PCDHAC1: variants seen among roughly 807,000 people sequenced by gnomAD.
PCDHAC1 encodes the protein protocadherin alpha-C1.
PCDHAC1 carries 42 observed loss-of-function variants against 60.0 expected under a neutral mutation model. The ratio of observed to expected loss-of-function variants is 0.70; its 90% confidence interval spans 0.55 to 0.90. The LOEUF (loss-of-function observed/expected upper bound fraction) is 0.90. PCDHAC1 is among the 40% of genes least tolerant of loss of function. The pLI is 0.00. For synonymous variants in PCDHAC1, 468 were observed against 499.3 expected, an observed-to-expected ratio of 0.94 and a Z score of 0.84; for missense variants, 1,160 against 1,222.3, an observed-to-expected ratio of 0.95 and a Z score of 0.76.
chr5:140,990,783 G>A (rs932115900), intron 3 of PCDHAC1, among the ~76,000 whole-genome samples: 5 of 152,170 alleles, frequency 3.3e-5, no homozygotes, highest in African/African-American at 7.2e-5. Flanking sequence ...TGTGTTGGAC[G>A]ATGAACCATG....
chr5:140,927,317 G>A lies in PCDHAC1; in HGVS notation c.425G>A (p.Arg142His), dbSNP rs782172424. ...CCCGAGTTCCTGACGCCCGGAGCCCGCTTTACTCTCCCGAATGCCCAAGAT... is the reference window on the plus strand; with the variant it reads ...CCCGAGTTCCTGACGCCCGGAGCCCACTTTACTCTCCCGAATGCCCAAGAT... ...HIPEFLTPGA[R>H]FTLPNAQDDD... is the part of the protein sequence containing the mutation. The change falls in exon 1 of 4, where the codon CGC becomes CAC. Residue 142 changes from arginine to histidine, a missense_variant. Around this residue, in one of 3 missense-constraint regions of PCDHAC1, gnomAD observed 1,113 missense variants for 1,163.7 expected, o/e 0.96. Coordinates refer to ENST00000253807, the MANE Select transcript of PCDHAC1 (RefSeq NM_018898.5). 3.2e-5 allele frequency: 52 copies of A among 1,614,146 alleles called. 1 individual carries two copies. The South Asian group carries it at 5.2e-4, about 16-fold the overall frequency.
intron 3 of PCDHAC1, among the ~76,000 whole-genome samples, chr5:140,990,304 A>T (rs114506238): frequency 3.9e-5 from 6 of 152,286 alleles, no homozygotes; most frequent in Non-Finnish European, 8.8e-5. Context: ...CATTGTCTGT[A>T]AAAAACCAAC....
Position 140,927,248 on chromosome 5 carries a change from A to G in PCDHAC1, c.356A>G (p.Asp119Gly). ...CGGATTCACGTCCTGGACACCAATG[A>G]CAACTCACCTCTCTTTCCTGCCGGC... is the stretch of plus-strand genomic sequence containing the variant. ...KIRIHVLDTN[D>G]NSPLFPAGDV... is the part of the protein sequence containing the mutation. Residue 119 changes from aspartate to glycine, a missense_variant, in exon 1 of 4, where the codon GAC (aspartate) becomes GGC (glycine). Physicochemically the swap from Asp to Gly is moderately conservative, Grantham distance 94 (BLOSUM62 -1). Coordinates refer to ENST00000253807, the MANE Select transcript of PCDHAC1 (RefSeq NM_018898.5). The G allele has an allele frequency of 6.2e-7, 1 of 1,614,064 alleles. No individual in the cohort carries two copies.
chr5:140,944,206 T>C (rs1291391135), intron 1 of PCDHAC1, among the ~76,000 whole-genome samples: 1 of 152,156 alleles, frequency 6.6e-6, no homozygotes, highest in Non-Finnish European at 1.5e-5. Context: ...GTTTTGTTTT[T>C]AAAGAGGGTT....
rs574140858 is a variant in PCDHAC1 at position 140,929,782 on chromosome 5, A to C, written c.2433+457A>C. On this transcript the variant is annotated intron_variant, in intron 1 of 3. Coordinates refer to ENST00000253807, the MANE Select transcript of PCDHAC1 (RefSeq NM_018898.5). The stretch of plus-strand genomic sequence containing the variant: ...GACGATAACCACAAAAGATGTAAAA[A>C]TAAATTACAATGGGGGTTAAAAGAA... The C allele has an allele frequency of 1.8e-5, 3 of 168,346 alleles. No individual in the cohort carries two copies. The Admixed American group carries it at 1.9e-4, about 11-fold the overall frequency. 10.4% of individuals were successfully genotyped at this position (168,346 alleles called of 1,614,324 possible). A position where few individuals can be genotyped will look rare whatever the true frequency, so the allele number is the denominator to read the frequency against.
rs147219331 is a variant in PCDHAC1, at chr5:140,927,900, T to C, written c.1008T>C (p.His336=). The change falls in exon 1 of 4, where the codon CAT becomes CAC. Residue 336 remains histidine, a synonymous_variant. Transcript: ENST00000253807. Reference sequence around the variant, plus strand: ...TGGAGGTGACTGACGTGAACGATCATGCCCCCGAACTGGACTTCCTGACTC... The same window carrying C: ...TGGAGGTGACTGACGTGAACGATCACGCCCCCGAACTGGACTTCCTGACTC... ...LLVEVTDVND[H]APELDFLTLS... 2,142 of 1,614,232 alleles carry C rather than the reference T, an allele frequency of 1.3e-3. 2 individuals are homozygous for C. The highest frequency in any genetic ancestry group is 1.7e-3 in the Non-Finnish European group (2,053 of 1,180,040).
Position 141,009,798 on chromosome 5 carries a change from A to G in PCDHAC1, c.2753A>G (p.Asn918Ser). Residue 918 changes from asparagine (N) to serine (S), a missense_variant, in exon 4 of 4, where the codon AAC (asparagine) becomes AGC (serine). Physicochemically the swap from Asn to Ser is conservative, Grantham distance 46. Transcript: ENST00000253807. ...AIISIRQEPT[N>S]SQIDKSDFIT... The stretch of plus-strand genomic sequence containing the variant: ...ATCTCCATCCGGCAGGAGCCTACTA[A>G]CAGCCAAATTGACAAAAGTGACTTC... 2 of 1,614,116 alleles carry G rather than the reference A, an allele frequency of 1.2e-6. No homozygotes were observed. Among genetic ancestry groups the G allele is most frequent in the Non-Finnish European group, 1.7e-6 (2 of 1,180,014 alleles).
intron 1 of PCDHAC1, among the ~76,000 whole-genome samples, chr5:140,969,915 GC>G (rs1181399848): frequency 2.0e-5 from 3 of 152,192 alleles, no homozygotes; most frequent in African/African-American, 7.2e-5. Flanking sequence ...AAGTGATAAA[GC>G]TGTAGTATTT....
Position 140,969,579 on chromosome 5 carries a change from G to A in PCDHAC1, c.2434-9370G>A, listed in dbSNP as rs373969836. Reference sequence around the variant, plus strand: ...TCCATAAAATTGTTTGAGAAGTGAGGATTAGTCTTAATATTTAATGCTAAA... The same window carrying A: ...TCCATAAAATTGTTTGAGAAGTGAGAATTAGTCTTAATATTTAATGCTAAA... On this transcript the variant is annotated intron_variant, in intron 1 of 3. Coordinates refer to ENST00000253807, the MANE Select transcript of PCDHAC1 (RefSeq NM_018898.5). 1,666 of 951,704 alleles carry A rather than the reference G, an allele frequency of 1.8e-3. 9 individuals carry two copies. The Middle Eastern group carries it at 0.019, about 11-fold the overall frequency. 59.0% of individuals were successfully genotyped at this position (951,704 alleles called of 1,614,324 possible). A position where few individuals can be genotyped will look rare whatever the true frequency, so the allele number is the denominator to read the frequency against.
chr5:140,961,037 A>C (rs1222978592), intron 1 of PCDHAC1, among the ~76,000 whole-genome samples: 2 of 152,188 alleles, frequency 1.3e-5, no homozygotes, highest in African/African-American at 4.8e-5. Flanking sequence ...CCTTGTTTTG[A>C]GTCATTAACA....
At chr5:140,967,047 T>C in intron 1 of PCDHAC1, 5 of 1,612,444 alleles carry the variant, frequency 3.1e-6, no homozygotes, top group Non-Finnish European at 4.2e-6. Flanking sequence ...GAGCTGGACC[T>C]GACGAGTGGA....
intron 3 of PCDHAC1, among the ~76,000 whole-genome samples, chr5:141,002,380 G>T (rs1284047266): frequency 2.0e-5 from 3 of 152,196 alleles, no homozygotes; most frequent in Non-Finnish European, 2.9e-5. Context: ...CTGGCTTAGG[G>T]CTCCTGCTGG....
At chr5:140,969,347 G>C (rs1554231707) in intron 1 of PCDHAC1, 1 of 1,613,472 alleles carries the variant, frequency 6.2e-7, no homozygotes, top group South Asian at 1.1e-5. Context: ...ACAGTGGTCA[G>C]GGGGTCTTCT....
intron 1 of PCDHAC1, among the ~76,000 whole-genome samples, chr5:140,965,230 C>T (rs2095881666): frequency 6.6e-6 from 1 of 152,126 alleles, no homozygotes; most frequent in Non-Finnish European, 1.5e-5. Flanking sequence ...ATGTGAGAAC[C>T]TGGGAAGAGT....
chr5:140,996,164 T>C (rs934521653), intron 3 of PCDHAC1, among the ~76,000 whole-genome samples: 2 of 152,246 alleles, frequency 1.3e-5, no homozygotes, highest in African/African-American at 4.8e-5. Context: ...TATACTGCAA[T>C]GTGCTGACAG....
At chr5:140,941,202 C>CCTTTCTTCCTTCCTTTCTTTCTTT (rs1394736170) in intron 1 of PCDHAC1, among the ~76,000 whole-genome samples, 4 of 122,742 alleles carry the variant, frequency 3.3e-5, no homozygotes, top group African/African-American at 5.9e-5. Context: ...TTTCTTTCTT[C>CCTTTCTTCCTTCCTTTCTTTCTTT]CTTTCTTTCT....
At chr5:140,962,171 G>A (rs1218733161) in intron 1 of PCDHAC1, among the ~76,000 whole-genome samples, 3 of 151,902 alleles carry the variant, frequency 2.0e-5, no homozygotes, top group Non-Finnish European at 4.4e-5. Context: ...CACCACACCC[G>A]GCCACTTATA....
chr5:140,961,929 G>C (rs1387333199), intron 1 of PCDHAC1, among the ~76,000 whole-genome samples: 1 of 151,712 alleles, frequency 6.6e-6, no homozygotes, highest in Non-Finnish European at 1.5e-5. Context: ...TGTTGCCCAG[G>C]CTGGAGTGCA....
chr5:141,000,743 TA>T (rs527867626), intron 3 of PCDHAC1, among the ~76,000 whole-genome samples: 276 of 145,094 alleles, frequency 1.9e-3, no homozygotes, highest in Admixed American at 4.4e-3. Context: ...CTCTGTATAT[TA>T]AAAAAAAAAA....
Sources: allele counts gnomAD v4.1 joint callset (sites outside exome capture counted in the v4.1 genomes callset), GRCh38; gene constraint gnomAD v4.1.1; regional missense constraint gnomAD v4.1.1; transcripts MANE v1.5; gene names NCBI Gene and HGNC (gene_info 2026-07-23, HGNC 2026-07-21).